FAM151B: variants seen among roughly 807,000 people sequenced by gnomAD.
FAM151B encodes protein FAM151B.
A neutral mutation model predicts 31.2 loss-of-function variants in FAM151B; 24 were observed. The observed-to-expected ratio is 0.77, with a 90% CI of 0.56 to 1.08. The LOEUF (loss-of-function observed/expected upper bound fraction) is 1.08. Among genes scored for constraint, FAM151B ranks in the 50% least tolerant of loss-of-function variants. The probability of loss-of-function intolerance (pLI) is 0.00; values close to 1 mark genes in which losing one functional copy is unlikely to be tolerated. For synonymous variants in FAM151B, 105 were observed against 111.4 expected (o/e 0.94, Z 0.36); for missense variants, 293 against 328.6 (o/e 0.89, Z 0.84).
At position 80,541,917 on chromosome 5, in the gene FAM151B, G is replaced by A; in HGVS notation, c.*85G>A. 2 of 1,389,896 alleles carry A rather than the reference G, an allele frequency of 1.4e-6. No homozygotes were observed. Among genetic ancestry groups the A allele is most frequent in the African/African-American group, 1.5e-5 (1 of 68,440 alleles). The allele number at this position is 1,389,896 out of a possible 1,614,324, so 86.1% of individuals were successfully genotyped here. On this transcript the variant is annotated 3_prime_UTR_variant, in exon 6 of 6. Transcript: ENST00000282226. ...TGAATTAATTACCATATAAATTATG[G>A]TTATTGATTGACGTTCCAAGTCATC...
At chr5:80,518,489 G>A (rs546194333) in intron 3 of FAM151B, among the ~76,000 whole-genome samples, 4 of 152,224 alleles carry the variant, frequency 2.6e-5, no homozygotes, top group African/African-American at 9.6e-5. Context: ...GTTGACACAG[G>A]GCAAGGCAGG....
intron 1 of FAM151B, chr5:80,500,313 C>T (rs939157658): frequency 2.5e-6 from 2 of 792,642 alleles, no homozygotes; most frequent in African/African-American, 1.7e-5. Flanking sequence ...AGCAAGTTGC[C>T]TCTTTTTCCG....
rs375263325 is a variant in FAM151B, at chr5:80,542,267, T to G, written c.*435T>G. 28 of 154,916 alleles carry G rather than the reference T, an allele frequency of 1.8e-4. No individual in the cohort carries two copies. The highest frequency in any genetic ancestry group is 3.4e-3 in the Middle Eastern group (1 of 298). 9.6% of individuals were successfully genotyped at this position (154,916 alleles called of 1,614,324 possible). A position where few individuals can be genotyped will look rare whatever the true frequency, so the allele number is the denominator to read the frequency against. On this transcript the variant is annotated 3_prime_UTR_variant, in exon 6 of 6. Coordinates refer to ENST00000282226, the MANE Select transcript of FAM151B (RefSeq NM_205548.3). ...GATAACAAAAAAGGAAGAGGGCTTT[T>G]AAAATGTTTTTAATTTTCACAGGGG...
At chr5:80,508,169 T>C (rs115064037) in intron 2 of FAM151B, among the ~76,000 whole-genome samples, 4,079 of 152,336 alleles carry the variant, frequency 0.027, 70 homozygotes, top group South Asian at 0.038. Flanking sequence ...TGTTTATCCA[T>C]TCATCAACTG....
intron 1 of FAM151B, among the ~76,000 whole-genome samples, chr5:80,490,930 C>T (rs538135795): frequency 1.3e-5 from 2 of 152,266 alleles, no homozygotes; most frequent in Admixed American, 6.5e-5. Flanking sequence ...TAAGTCAATT[C>T]TGGTAGTCAC....
At position 80,504,788 on chromosome 5, in the gene FAM151B, G is replaced by A. The variant is rs549079095; in HGVS notation, c.151+2871G>A. Among the ~76,000 whole-genome samples the A allele has an allele frequency of 1.8e-4, 27 of 152,184 alleles. No homozygotes were observed. In the South Asian group the frequency reaches 5.6e-3, roughly 32 times the overall value. ...CCTCCTTGGCCTCCCAAAGTGCTGG[G>A]ATTAGACTATCACTCTTAAATGAAA... On this transcript the variant is annotated intron_variant, in intron 2 of 5. Coordinates refer to ENST00000282226, the MANE Select transcript of FAM151B (RefSeq NM_205548.3).
intron 5 of FAM151B, among the ~76,000 whole-genome samples, chr5:80,538,464 T>TC (rs1561383734): frequency 5.5e-5 from 6 of 108,402 alleles, no homozygotes; most frequent in African/African-American, 2.3e-4. Flanking sequence ...CTTTCTTTCT[T>TC]TCTTTCTTTC....
At chr5:80,501,672 CTA>C (rs137888883) in intron 1 of FAM151B, 118 bp from the exon 2 acceptor site, 5,492 of 570,620 alleles carry the variant, frequency 9.6e-3, no homozygotes, top group South Asian at 0.015. Flanking sequence ...ATCTATCTAT[CTA>C]TATATATATA....
At chr5:80,490,906 A>C (rs569506859) in intron 1 of FAM151B, among the ~76,000 whole-genome samples, 2 of 152,366 alleles carry the variant, frequency 1.3e-5, no homozygotes, top group East Asian at 3.9e-4. Context: ...CATATGGTAC[A>C]TTGTCTTTAA....
At chr5:80,492,422 C>T (rs1230943112) in intron 1 of FAM151B, among the ~76,000 whole-genome samples, 2 of 152,082 alleles carry the variant, frequency 1.3e-5, no homozygotes, top group Non-Finnish European at 2.9e-5. Context: ...GGTGTGTGAG[C>T]CTTGCTGGCT....
intron 1 of FAM151B, chr5:80,495,279 A>C (rs1311272000): frequency 6.6e-6 from 1 of 152,222 alleles, no homozygotes; most frequent in Non-Finnish European, 1.5e-5. Flanking sequence ...CCCGTGGATC[A>C]AAGGGTAATC....
intron 3 of FAM151B, among the ~76,000 whole-genome samples, chr5:80,516,883 AGTACACCATG>A (rs1215675632): frequency 6.6e-6 from 1 of 152,236 alleles, no homozygotes; most frequent in Non-Finnish European, 1.5e-5. Context: ...AGTAACCTGC[AGTACACCATG>A]GTCTAAAAGT....
At chr5:80,534,148 G>A (rs190126968) in intron 5 of FAM151B, among the ~76,000 whole-genome samples, 6 of 151,954 alleles carry the variant, frequency 3.9e-5, no homozygotes, top group East Asian at 3.9e-4. Context: ...CCTGGGACCC[G>A]ATGGCTTCAC....
chr5:80,492,894 T>C (rs1743378926), intron 1 of FAM151B, among the ~76,000 whole-genome samples: 1 of 151,996 alleles, frequency 6.6e-6, no homozygotes, highest in South Asian at 2.1e-4. Context: ...TTTCAGATTA[T>C]AGTGAGCTAT....
At chr5:80,499,321 C>A (rs754595622) in intron 1 of FAM151B, among the ~76,000 whole-genome samples, 1 of 151,910 alleles carries the variant, frequency 6.6e-6, no homozygotes, top group Non-Finnish European at 1.5e-5. Flanking sequence ...ATATGTTATA[C>A]CAAAAAGTAG....
chr5:80,504,046 A>C (rs2112610408), intron 2 of FAM151B, among the ~76,000 whole-genome samples: 1 of 152,288 alleles, frequency 6.6e-6, no homozygotes, highest in East Asian at 1.9e-4. Context: ...AGGACTGTTA[A>C]TATTAGTCCA....
At chr5:80,490,718 C>G (rs1743291598) in intron 1 of FAM151B, among the ~76,000 whole-genome samples, 1 of 152,182 alleles carries the variant, frequency 6.6e-6, no homozygotes, top group Non-Finnish European at 1.5e-5. Flanking sequence ...TTTCAAGATT[C>G]ATCCATCTTG....
chr5:80,501,006 T>TTTTTA lies in FAM151B; in HGVS notation c.26-766_26-762dup, dbSNP rs574166917. Reference sequence around the variant, plus strand: ...GCGGAATGAAGAAAAAGACCATCCATTTTTATTTTATTTTATTTTATTTTT... The same window carrying TTTTTA: ...GCGGAATGAAGAAAAAGACCATCCATTTTTATTTTATTTTATTTTATTTTATTTTT... On this transcript the variant is annotated intron_variant, in intron 1 of 5. Transcript: ENST00000282226. 2.1e-3 allele frequency: 1,228 copies of TTTTTA among 580,482 alleles called. 4 individuals carry two copies. The highest frequency in any genetic ancestry group is 3.1e-3 in the Non-Finnish European group (1,008 of 327,674). 36.0% of individuals were successfully genotyped at this position (580,482 alleles called of 1,614,324 possible). A position where few individuals can be genotyped will look rare whatever the true frequency, so the allele number is the denominator to read the frequency against.
intron 5 of FAM151B, among the ~76,000 whole-genome samples, chr5:80,530,379 T>C (rs1303831964): frequency 2.6e-5 from 4 of 152,240 alleles, no homozygotes; most frequent in African/African-American, 7.2e-5. Context: ...TTGGAAGTTC[T>C]GGCCAGGGCA....
Sources: gnomAD v4.1 joint callset for allele counts (sites outside exome capture counted in the v4.1 genomes callset) on GRCh38, gnomAD v4.1.1 for gene constraint, MANE v1.5 for transcripts, NCBI Gene and HGNC (gene_info 2026-07-23, HGNC 2026-07-21) for gene names.